PRKCH: variants seen among roughly 807,000 people sequenced by gnomAD.
PRKCH encodes the protein protein kinase C eta type.
In PRKCH, 28 loss-of-function variants were observed where a neutral mutation model predicts 82.5. The observed-to-expected ratio is 0.34, with a 90% CI of 0.25 to 0.47. The LOEUF (loss-of-function observed/expected upper bound fraction) is 0.47, where lower values mean the gene tolerates loss of function less well. Ranked by LOEUF, PRKCH falls within the 20% of genes least tolerant of loss-of-function variation. The probability of loss-of-function intolerance (pLI) is 1.00; values close to 1 mark genes in which losing one functional copy is unlikely to be tolerated. For missense variants in PRKCH, 705 were observed against 881.8 expected, an observed-to-expected ratio of 0.80 and a Z score of 2.54; for synonymous variants, 322 against 327.4, an observed-to-expected ratio of 0.98 and a Z score of 0.18.
At chr14:61,417,780 G>A (rs776331554) in intron 2 of PRKCH, among the ~76,000 whole-genome samples, 7 of 152,208 alleles carry the variant, frequency 4.6e-5, no homozygotes, top group Non-Finnish European at 1.0e-4. Context: ...CCTGTAGTGT[G>A]ATTGAATCTC....
At chr14:61,516,370 G>T (rs556779311) in intron 10 of PRKCH, among the ~76,000 whole-genome samples, 26 of 152,256 alleles carry the variant, frequency 1.7e-4, no homozygotes, top group African/African-American at 5.5e-4. Flanking sequence ...TAAACTAAAA[G>T]TAACACACAT....
At position 61,368,011 on chromosome 14, in the gene PRKCH, G is replaced by C. The variant is rs146073585; in HGVS notation, c.364-23214G>C. On this transcript the variant is annotated intron_variant, in intron 1 of 13. Coordinates refer to ENST00000332981, the MANE Select transcript of PRKCH (RefSeq NM_006255.5). ...TTACAGGCGTGAGCCACCGCGCCCA[G>C]CCTGGAGAGCTCTTGATCTGTAGGT... Among the ~76,000 whole-genome samples the C allele has an allele frequency of 9.5e-3, 1,444 of 152,116 alleles. 32 individuals carry two copies. The highest frequency in any genetic ancestry group is 0.033 in the African/African-American group (1,383 of 41,406).
At chr14:61,322,525 C>G in intron 1 of PRKCH, 61 bp downstream of exon 1, 1 of 1,526,126 alleles carries the variant, frequency 6.6e-7, no homozygotes, top group Non-Finnish European at 8.8e-7. Context: ...TTATGTTTTT[C>G]AAAACTCACC....
At chr14:61,250,363 A>C (rs1305951541) in intron 1 of PRKCH, among the ~76,000 whole-genome samples, 1 of 152,192 alleles carries the variant, frequency 6.6e-6, no homozygotes, top group Non-Finnish European at 1.5e-5. Flanking sequence ...TAGGTGAATA[A>C]ATAAACCACA....
At chr14:61,416,825 C>G (rs10139146) in intron 2 of PRKCH, among the ~76,000 whole-genome samples, 1 of 152,126 alleles carries the variant, frequency 6.6e-6, no homozygotes, top group African/African-American at 2.4e-5. Flanking sequence ...GGCCAACACC[C>G]CTTTCCTTTC....
intron 2 of PRKCH, among the ~76,000 whole-genome samples, chr14:61,395,705 C>G (rs1219183384): frequency 6.6e-6 from 1 of 152,140 alleles, no homozygotes; most frequent in Non-Finnish European, 1.5e-5. Context: ...TTCCTATTGT[C>G]ACAGCAAGGA....
chr14:61,508,162 A>G lies in PRKCH; in HGVS notation c.1434-20913A>G, dbSNP rs566044152. 2.6e-5 allele frequency among the ~76,000 whole-genome samples: 4 copies of G among 152,210 alleles called. No individual in the cohort carries two copies. The East Asian group carries it at 5.8e-4, about 22-fold the overall frequency. On this transcript the variant is annotated intron_variant, in intron 10 of 13. Coordinates refer to ENST00000332981, the MANE Select transcript of PRKCH (RefSeq NM_006255.5). ...CCCAGCCTTTAACATGGCAATTGAC[A>G]TGGCAATTGACATGATAAAAGCTAC...
chr14:61,207,106 CAAAAA>C (rs71114196), intron 1 of PRKCH, among the ~76,000 whole-genome samples: 11,199 of 48,138 alleles, frequency 0.23, 533 homozygotes, highest in Admixed American at 0.4. Context: ...AACTCCATCT[CAAAAA>C]AAAAAAAAAA....
At chr14:61,271,360 A>G (rs2045152197) in intron 1 of PRKCH, among the ~76,000 whole-genome samples, 1 of 152,194 alleles carries the variant, frequency 6.6e-6, no homozygotes, top group Admixed American at 6.5e-5. Context: ...TTTCCAGTGA[A>G]GTCTTCAGTT....
At chr14:61,525,363 C>G (rs2042952209) in intron 10 of PRKCH, 1 of 152,202 alleles carries the variant, frequency 6.6e-6, no homozygotes, top group African/African-American at 2.4e-5. Context: ...CATGGCGTTT[C>G]CTTTACAGCT....
chr14:61,444,270 C>T (rs1273483195), intron 3 of PRKCH, among the ~76,000 whole-genome samples: 1 of 151,972 alleles, frequency 6.6e-6, no homozygotes, highest in Non-Finnish European at 1.5e-5. Context: ...AATTGTATTA[C>T]TTTTTTTTGG....
At chr14:61,420,889 G>A (rs1882803655) in intron 2 of PRKCH, among the ~76,000 whole-genome samples, 1 of 152,156 alleles carries the variant, frequency 6.6e-6, no homozygotes, top group African/African-American at 2.4e-5. Flanking sequence ...GGCTGGAGGA[G>A]TGGGTAACTT....
At chr14:61,382,683 A>T (rs1272678263) in intron 1 of PRKCH, among the ~76,000 whole-genome samples, 2 of 152,200 alleles carry the variant, frequency 1.3e-5, no homozygotes. Context: ...AATTTTGTCA[A>T]CTTCTCTATT....
chr14:61,443,094 T>C lies in PRKCH; in HGVS notation c.428-17T>C, dbSNP rs1166596489. 2 of 1,607,412 alleles carry C rather than the reference T, an allele frequency of 1.2e-6. No individual in the cohort carries two copies. The highest frequency in any genetic ancestry group is 1.3e-5 in the African/African-American group (1 of 74,652). On this transcript the variant is annotated splice_polypyrimidine_tract_variant and intron_variant, in intron 2 of 13. Transcript: ENST00000332981. ...TCCTTACATCTTATTCTTTTTTTCC[T>C]TCCTTTTAATATATAGCTACTCTCC... is the stretch of plus-strand genomic sequence containing the variant.
chr14:61,275,676 C>T (rs1009389419), intron 1 of PRKCH, among the ~76,000 whole-genome samples: 10 of 152,180 alleles, frequency 6.6e-5, no homozygotes, highest in Non-Finnish European at 1.3e-4. Context: ...GAGCCATGCC[C>T]TCATCATGGG....
chr14:61,340,197 A>G (rs896829995), intron 1 of PRKCH, among the ~76,000 whole-genome samples: 3 of 152,054 alleles, frequency 2.0e-5, no homozygotes, highest in African/African-American at 4.8e-5. Flanking sequence ...GGCGAAGCCC[A>G]GGAGTGACAG....
At chr14:61,402,600 T>G (rs1354347796) in intron 2 of PRKCH, among the ~76,000 whole-genome samples, 1 of 151,732 alleles carries the variant, frequency 6.6e-6, no homozygotes, top group Non-Finnish European at 1.5e-5. Context: ...ATCAAGACCA[T>G]CCTGGCCAAC....
At chr14:61,508,442 G>A (rs574624379) in intron 10 of PRKCH, among the ~76,000 whole-genome samples, 5 of 152,102 alleles carry the variant, frequency 3.3e-5, no homozygotes, top group Non-Finnish European at 5.9e-5. Context: ...ATAGAGGGTG[G>A]CTTCGTTAAC....
chr14:61,339,239 TC>T (rs1167385942), intron 1 of PRKCH, among the ~76,000 whole-genome samples: 1 of 151,886 alleles, frequency 6.6e-6, no homozygotes. Context: ...TCTGCCTGGG[TC>T]CCCTCTGTGT....
Sources: allele counts gnomAD v4.1 joint callset (sites outside exome capture counted in the v4.1 genomes callset), GRCh38; gene constraint gnomAD v4.1.1; transcripts MANE v1.5; gene names NCBI Gene and HGNC (gene_info 2026-07-23, HGNC 2026-07-21).